The following PHF14 variants were observed in gnomAD, a reference collection of about 807,000 sequenced individuals.
PHF14 encodes PHD finger protein 14.
PHF14 carries 55 observed loss-of-function variants against 117.9 expected under a neutral mutation model. The observed-to-expected ratio is 0.47, with a 90% CI of 0.38 to 0.58. PHF14 has a LOEUF of 0.58. Among genes scored for constraint, PHF14 ranks in the 20% least tolerant of loss-of-function variants. The pLI, the probability that PHF14 is intolerant of heterozygous loss-of-function variation, is 0.00. For synonymous variants in PHF14, 409 were observed against 368.6 expected, an observed-to-expected ratio of 1.11 and a Z score of -1.26; for missense variants, 978 against 1,122.2, an observed-to-expected ratio of 0.87 and a Z score of 1.84.
chr7:11,103,124 A>G, intron 16 of PHF14: 8 of 978,468 alleles, frequency 8.2e-6, no homozygotes, highest in Non-Finnish European at 9.7e-6. Context: ...AATATTCAGC[A>G]AAAGTGAAAG....
intron 1 of PHF14, 118 bp from the exon 2 acceptor site, chr7:10,974,717 G>A: frequency 1.6e-6 from 1 of 637,010 alleles, no homozygotes; most frequent in Non-Finnish European, 2.8e-6. Context: ...CTTTTGCTGA[G>A]AACTCAGTTA....
intron 16 of PHF14, among the ~76,000 whole-genome samples, chr7:11,070,324 A>G (rs934235527): frequency 1.3e-5 from 2 of 152,030 alleles, no homozygotes; most frequent in Non-Finnish European, 2.9e-5. Flanking sequence ...ACAATCCTCT[A>G]TCCTCAGCCT....
intron 7 of PHF14, among the ~76,000 whole-genome samples, chr7:11,032,769 AT>A (rs1408935095): frequency 6.6e-6 from 1 of 152,160 alleles, no homozygotes; most frequent in Non-Finnish European, 1.5e-5. Context: ...TATGTTGACT[AT>A]TACTGCTTCT....
chr7:11,063,418 T>C (rs546934522), intron 16 of PHF14: 2 of 974,306 alleles, frequency 2.1e-6, no homozygotes, highest in Admixed American at 1.2e-4. Context: ...ACAATAAAAA[T>C]AAAGAAAAAA....
intron 14 of PHF14, chr7:11,061,490 A>G (rs1324193320): frequency 1.0e-5 from 2 of 196,412 alleles, no homozygotes; most frequent in Admixed American, 5.7e-5. Flanking sequence ...ATGGACAATT[A>G]TGAAGTGTGG....
At chr7:11,073,816 C>T (rs1049583733) in intron 16 of PHF14, among the ~76,000 whole-genome samples, 3 of 152,176 alleles carry the variant, frequency 2.0e-5, no homozygotes, top group African/African-American at 4.8e-5. Context: ...TTTTCACTCT[C>T]GCATTCTGTG....
intron 16 of PHF14, among the ~76,000 whole-genome samples, chr7:11,100,924 A>G (rs185153481): frequency 1.3e-5 from 2 of 152,074 alleles, no homozygotes; most frequent in Admixed American, 1.3e-4. Context: ...AATTCTAACT[A>G]TATAAGATAC....
At chr7:10,978,907 G>C (rs1681302) in intron 2 of PHF14, among the ~76,000 whole-genome samples, 53,721 of 151,984 alleles carry the variant, frequency 0.35, 10,425 homozygotes, top group Middle Eastern at 0.48. Context: ...TGTGTTGACT[G>C]ATTGGCTGTC....
chr7:11,051,886 G>C lies in PHF14; in HGVS notation c.2481+106G>C, dbSNP rs1019881445. 1.0e-5 allele frequency: 9 copies of C among 863,814 alleles called. No homozygotes were observed. The Admixed American group carries it at 2.0e-4, about 19-fold the overall frequency. The allele number at this position is 863,814 out of a possible 1,614,324, so 53.5% of individuals were successfully genotyped here. A position where few individuals can be genotyped will look rare whatever the true frequency, so the allele number is the denominator to read the frequency against. ...CATATACTCAGAAGTCAAAGAAAAA[G>C]ACATCTATTGGTTATTCTTAACAAT... On this transcript the variant is annotated intron_variant, in intron 14 of 17. Transcript: ENST00000634607.
At chr7:11,038,701 G>T (rs1784397383) in intron 10 of PHF14, 59 bp from the exon 11 acceptor site, 2 of 629,810 alleles carry the variant, frequency 3.2e-6, no homozygotes, top group Non-Finnish European at 5.4e-6. Context: ...TAGAAATGTA[G>T]ATATTTCTTA....
At chr7:11,152,102 C>G (rs188235169) in intron 17 of PHF14, among the ~76,000 whole-genome samples, 93 of 152,202 alleles carry the variant, frequency 6.1e-4, no homozygotes, top group Admixed American at 2.9e-3. Context: ...TTGAAAATTG[C>G]TTTTGATCAG....
intron 16 of PHF14, among the ~76,000 whole-genome samples, chr7:11,069,656 C>A (rs1176126028): frequency 1.5e-5 from 2 of 134,462 alleles, no homozygotes; most frequent in Non-Finnish European, 3.2e-5. Context: ...TCTCCTCTCC[C>A]CTCCCTTTCC....
At chr7:11,014,474 G>T (rs1216851412) in intron 5 of PHF14, among the ~76,000 whole-genome samples, 1 of 152,158 alleles carries the variant, frequency 6.6e-6, no homozygotes, top group Non-Finnish European at 1.5e-5. Context: ...CTTTGTTGGA[G>T]AAATTATAGT....
chr7:10,976,059 G>A (rs1222830921), intron 2 of PHF14, among the ~76,000 whole-genome samples: 3 of 152,168 alleles, frequency 2.0e-5, no homozygotes, highest in African/African-American at 7.2e-5. Flanking sequence ...GGGGTATTGA[G>A]TTTAAAGAAC....
intron 3 of PHF14, among the ~76,000 whole-genome samples, chr7:10,984,683 G>A (rs1782154202): frequency 6.6e-6 from 1 of 152,120 alleles, no homozygotes; most frequent in African/African-American, 2.4e-5. Flanking sequence ...CTAAAATGTG[G>A]GGGACACCTG....
chr7:11,165,039 C>G (rs1348259618), intron 17 of PHF14, among the ~76,000 whole-genome samples: 1 of 152,202 alleles, frequency 6.6e-6, no homozygotes, highest in Admixed American at 6.5e-5. Flanking sequence ...ATTCTCCTGC[C>G]TCAGCCTCCC....
At chr7:11,044,760 T>C (rs1784612201) in intron 13 of PHF14, among the ~76,000 whole-genome samples, 1 of 152,198 alleles carries the variant, frequency 6.6e-6, no homozygotes, top group Admixed American at 6.5e-5. Context: ...GTTATTTAAG[T>C]CTATTGCATC....
chr7:11,161,731 ATATTT>A (rs989188204), intron 17 of PHF14, among the ~76,000 whole-genome samples: 12 of 135,848 alleles, frequency 8.8e-5, no homozygotes, highest in African/African-American at 3.2e-4. Context: ...TAAAAATATT[ATATTT>A]TATTTAAATA....
intron 17 of PHF14, among the ~76,000 whole-genome samples, chr7:11,122,331 T>TTTTATATATATATATA (rs1236770638): frequency 1.5e-4 from 13 of 84,064 alleles, no homozygotes; most frequent in Non-Finnish European, 2.0e-4. Context: ...TTTGTACTTT[T>TTTTATATATATATATA]TATATATATA....
Sources: gnomAD v4.1 joint callset for allele counts (sites outside exome capture counted in the v4.1 genomes callset) on GRCh38, gnomAD v4.1.1 for gene constraint, MANE v1.5 for transcripts, NCBI Gene and HGNC (gene_info 2026-07-23, HGNC 2026-07-21) for gene names.